Variants in CNTNAP2 observed in about 807,000 individuals in gnomAD.
The protein encoded by CNTNAP2 is contactin-associated protein-like 2.
In CNTNAP2, 98 loss-of-function variants were observed where a neutral mutation model predicts 155.2. The observed-to-expected ratio is 0.63, with a 90% CI of 0.54 to 0.75. The LOEUF (loss-of-function observed/expected upper bound fraction) is 0.75, where lower values mean the gene tolerates loss of function less well. Ranked by LOEUF, CNTNAP2 falls within the 30% of genes least tolerant of loss-of-function variation. CNTNAP2 has a pLI of 0.00. For missense variants in CNTNAP2, 1,727 were observed against 1,688.1 expected (o/e 1.02, Z -0.40); for synonymous variants, 651 against 631.2 (o/e 1.03, Z -0.47).
intron 1 of CNTNAP2, among the ~76,000 whole-genome samples, chr7:146,718,252 A>G (rs545821800): frequency 6.6e-6 from 1 of 152,318 alleles, no homozygotes; most frequent in East Asian, 1.9e-4. Flanking sequence ...CAATTCTGTA[A>G]GATTAATTGT....
At chr7:146,155,615 T>G (rs1487683987) in intron 1 of CNTNAP2, among the ~76,000 whole-genome samples, 1 of 151,676 alleles carries the variant, frequency 6.6e-6, no homozygotes, top group Non-Finnish European at 1.5e-5. Flanking sequence ...AAATAAGTAA[T>G]TACATAAGTA....
intron 1 of CNTNAP2, among the ~76,000 whole-genome samples, chr7:146,711,729 GTATACATATATAGTATACACATCTTAT>G: frequency 7.0e-6 from 1 of 143,656 alleles, no homozygotes; most frequent in South Asian, 2.2e-4. Flanking sequence ...CACATCTTAT[GTATACATATATAGTATACACATCTTAT>G]GTATACATAT....
At chr7:147,005,927 T>C (rs1487856127) in intron 3 of CNTNAP2, among the ~76,000 whole-genome samples, 1 of 152,026 alleles carries the variant, frequency 6.6e-6, no homozygotes, top group East Asian at 1.9e-4. Flanking sequence ...CAGTATCATG[T>C]ATCTTATTGT....
At chr7:147,505,463 A>G (rs1297943415) in intron 11 of CNTNAP2, among the ~76,000 whole-genome samples, 2 of 152,182 alleles carry the variant, frequency 1.3e-5, no homozygotes, top group Non-Finnish European at 2.9e-5. Flanking sequence ...TAGCCACACT[A>G]TGTAGTGTAC....
intron 2 of CNTNAP2, among the ~76,000 whole-genome samples, chr7:146,810,727 A>G (rs1803051159): frequency 6.6e-6 from 1 of 152,112 alleles, no homozygotes; most frequent in African/African-American, 2.4e-5. Flanking sequence ...TCTTAGAGAA[A>G]ACGAATTAAG....
Position 147,276,383 on chromosome 7 carries a change from A to G in CNTNAP2, c.1349-23758A>G, listed in dbSNP as rs568473130. On this transcript the variant is annotated intron_variant, in intron 8 of 23. Coordinates refer to ENST00000361727, the MANE Select transcript of CNTNAP2 (RefSeq NM_014141.6). Reference sequence around the variant, plus strand: ...TTCAAGCAAAATCTTTTAAGAAAGAATTGTAAAATATACATATCTAAGCCC... The same window carrying G: ...TTCAAGCAAAATCTTTTAAGAAAGAGTTGTAAAATATACATATCTAAGCCC... Among the ~76,000 whole-genome samples the G allele has an allele frequency of 2.6e-5, 4 of 152,178 alleles. No individual in the cohort carries two copies. The East Asian group carries it at 7.7e-4, about 29-fold the overall frequency.
chr7:147,267,599 C>T (rs766724933), intron 8 of CNTNAP2, among the ~76,000 whole-genome samples: 6 of 151,924 alleles, frequency 3.9e-5, no homozygotes, highest in Non-Finnish European at 5.9e-5. Flanking sequence ...CTGCTATCCA[C>T]GCAACTATGG....
At position 148,217,531 on chromosome 7, in the gene CNTNAP2, A is replaced by G. The variant is rs1217917583; in HGVS notation, c.3247+7A>G. ...GTCCTCGTCAAACCCACTGGTAAGG[A>G]CAAGGATACCCAGCCTCTGCCATTT... On this transcript the variant is annotated splice_region_variant and intron_variant, in intron 19 of 23. Transcript: ENST00000361727. 3 of 1,613,038 alleles carry G rather than the reference A, an allele frequency of 1.9e-6. No individual in the cohort carries two copies. Among genetic ancestry groups the G allele is most frequent in the African/African-American group, 1.3e-5 (1 of 74,910 alleles).
At chr7:148,349,978 G>A (rs1285624221) in intron 21 of CNTNAP2, among the ~76,000 whole-genome samples, 1 of 152,338 alleles carries the variant, frequency 6.6e-6, no homozygotes, top group African/African-American at 2.4e-5. Flanking sequence ...AGTTTATTAT[G>A]AGTTGATGGG....
intron 12 of CNTNAP2, among the ~76,000 whole-genome samples, chr7:147,616,215 C>T (rs912792410): frequency 7.2e-5 from 11 of 152,140 alleles, no homozygotes; most frequent in African/African-American, 2.4e-4. Context: ...CTGCCACCAT[C>T]CAAAGTCTAA....
chr7:146,389,005 G>A (rs1471951014), intron 1 of CNTNAP2, among the ~76,000 whole-genome samples: 1 of 152,032 alleles, frequency 6.6e-6, no homozygotes, highest in African/African-American at 2.4e-5. Context: ...AGAAGAACTG[G>A]CTTTCCAAAC....
At chr7:146,342,277 G>GT (rs1794742494) in intron 1 of CNTNAP2, among the ~76,000 whole-genome samples, 1 of 152,066 alleles carries the variant, frequency 6.6e-6, no homozygotes, top group Non-Finnish European at 1.5e-5. Flanking sequence ...AATCTAATAT[G>GT]TTTTACCAAC....
intron 1 of CNTNAP2, among the ~76,000 whole-genome samples, chr7:146,205,866 A>C (rs919475022): frequency 1.3e-5 from 2 of 151,926 alleles, no homozygotes; most frequent in Non-Finnish European, 2.9e-5. Flanking sequence ...AGTCATAGAC[A>C]GAAGTTTTAT....
chr7:146,858,920 A>G (rs141508724), intron 3 of CNTNAP2, among the ~76,000 whole-genome samples: 208 of 152,292 alleles, frequency 1.4e-3, no homozygotes, highest in African/African-American at 4.5e-3. Flanking sequence ...CATCCTTAAT[A>G]CATTCAGAAT....
At chr7:146,818,127 A>G (rs1803210067) in intron 2 of CNTNAP2, among the ~76,000 whole-genome samples, 1 of 151,996 alleles carries the variant, frequency 6.6e-6, no homozygotes, top group Admixed American at 6.6e-5. Context: ...TTTCTTTTCT[A>G]TTAACTTTAA....
In CNTNAP2 at chr7:146,649,578, A is replaced by G. The variant is rs141700459; in HGVS notation, c.98-124693A>G. ...CCAAAATAAATGGAGGAAACTGGAA[A>G]TTATTCTGAATATTGTGTATGAATA... On this transcript the variant is annotated intron_variant, in intron 1 of 23. Coordinates refer to ENST00000361727, the MANE Select transcript of CNTNAP2 (RefSeq NM_014141.6). 7.4e-3 allele frequency among the ~76,000 whole-genome samples: 1,126 copies of G among 152,290 alleles called. 13 individuals are homozygous for G. The highest frequency in any genetic ancestry group is 0.025 in the African/African-American group (1,053 of 41,572).
chr7:146,750,948 C>G (rs1275632214), intron 1 of CNTNAP2, among the ~76,000 whole-genome samples: 1 of 152,112 alleles, frequency 6.6e-6, no homozygotes, highest in Non-Finnish European at 1.5e-5. Flanking sequence ...ATATGATTCA[C>G]TACTTTTACT....
At chr7:146,223,831 C>T (rs1399073762) in intron 1 of CNTNAP2, among the ~76,000 whole-genome samples, 1 of 152,088 alleles carries the variant, frequency 6.6e-6, no homozygotes, top group Non-Finnish European at 1.5e-5. Context: ...GAGGTTATTA[C>T]CAAGTGGTGA....
intron 3 of CNTNAP2, among the ~76,000 whole-genome samples, chr7:146,986,752 T>C (rs1798121524): frequency 6.6e-6 from 1 of 152,152 alleles, no homozygotes; most frequent in African/African-American, 2.4e-5. Context: ...GATTTGCATT[T>C]CCCTAATTAT....
Sources: allele counts gnomAD v4.1 joint callset (sites outside exome capture counted in the v4.1 genomes callset), GRCh38; gene constraint gnomAD v4.1.1; transcripts MANE v1.5; gene names NCBI Gene and HGNC (gene_info 2026-07-23, HGNC 2026-07-21).